The following ZYG11B variants were observed in gnomAD, a reference collection of about 807,000 sequenced individuals.
The protein encoded by ZYG11B is zyg-11 family member B, cell cycle regulator, also known as protein zyg-11 homolog B.
Under a neutral mutation model 82.4 loss-of-function variants are expected in ZYG11B, and 36 were observed. That is an observed-to-expected ratio of 0.44 (90% CI 0.33 to 0.58). The LOEUF (loss-of-function observed/expected upper bound fraction) is 0.58, where lower values mean the gene tolerates loss of function less well. ZYG11B is among the 20% of genes least tolerant of loss of function. The pLI is 0.02. For missense variants in ZYG11B, 552 were observed against 895.6 expected, an observed-to-expected ratio of 0.62 and a Z score of 4.90; for synonymous variants, 303 against 312.8, an observed-to-expected ratio of 0.97 and a Z score of 0.33.
intron 13 of ZYG11B, among the ~76,000 whole-genome samples, chr1:52,819,953 C>T (rs551829610): frequency 4.7e-5 from 7 of 149,476 alleles, no homozygotes; most frequent in Admixed American, 6.7e-5. Context: ...GTCTTGCTGT[C>T]GTCCAGGCTA....
chr1:52,792,619 A>AT (rs1206219517), intron 6 of ZYG11B, among the ~76,000 whole-genome samples: 2 of 152,124 alleles, frequency 1.3e-5, no homozygotes, highest in Non-Finnish European at 2.9e-5. Context: ...CAGGGCCTCC[A>AT]TTTTTTCATC....
chr1:52,763,374 T>G (rs574564748), intron 2 of ZYG11B, among the ~76,000 whole-genome samples: 30 of 152,342 alleles, frequency 2.0e-4, no homozygotes, highest in African/African-American at 6.7e-4. Flanking sequence ...CATCTGTAGA[T>G]TGCTTTAAGT....
chr1:52,747,652 A>G (rs1296628983), intron 1 of ZYG11B, among the ~76,000 whole-genome samples: 1 of 152,160 alleles, frequency 6.6e-6, no homozygotes, highest in African/African-American at 2.4e-5. Flanking sequence ...GGAAGGGTTA[A>G]CAAGTTCCTT....
intron 6 of ZYG11B, among the ~76,000 whole-genome samples, chr1:52,791,764 GAA>G (rs1212129411): frequency 2.0e-5 from 3 of 152,098 alleles, no homozygotes; most frequent in African/African-American, 7.2e-5. Context: ...TTTTTTATTT[GAA>G]ATAAACAATT....
intron 10 of ZYG11B, among the ~76,000 whole-genome samples, chr1:52,808,089 A>G (rs2149963025): frequency 6.6e-6 from 1 of 152,300 alleles, no homozygotes; most frequent in Admixed American, 6.5e-5. Flanking sequence ...TTGGCCGGAC[A>G]CGGTGGCTCA....
chr1:52,797,453 C>G (rs61771062), intron 8 of ZYG11B, among the ~76,000 whole-genome samples: 16 of 56,854 alleles, frequency 2.8e-4, no homozygotes, highest in Admixed American at 7.1e-4. Context: ...TATTATATAT[C>G]ATATATGATA....
At chr1:52,796,890 TAA>T in intron 8 of ZYG11B, 106 bp downstream of exon 8, 3 of 120,790 alleles carry the variant, frequency 2.5e-5, no homozygotes, top group Admixed American at 1.6e-4. Flanking sequence ...TAATTATATA[TAA>T]TATATAATTA....
intron 13 of ZYG11B, among the ~76,000 whole-genome samples, chr1:52,817,316 G>A (rs2149967150): frequency 6.6e-6 from 1 of 152,254 alleles, no homozygotes; most frequent in African/African-American, 2.4e-5. Flanking sequence ...AGATGTCGCT[G>A]CCAGCACCCA....
chr1:52,782,065 A>G (rs1644861703), intron 4 of ZYG11B, among the ~76,000 whole-genome samples: 1 of 151,692 alleles, frequency 6.6e-6, no homozygotes. Context: ...TTATTTATTT[A>G]TTTATTTGTT....
Position 52,826,851 on chromosome 1 carries a change from C to G in ZYG11B, c.*5222C>G, listed in dbSNP as rs985970514. ...AATTTTGGACTTATTTTGGGAAAAACTGTTCAAATTGGGTCCTTTTAAGCT... is the reference window on the plus strand; with the variant it reads ...AATTTTGGACTTATTTTGGGAAAAAGTGTTCAAATTGGGTCCTTTTAAGCT... On this transcript the variant is annotated 3_prime_UTR_variant, in exon 14 of 14. Coordinates refer to ENST00000294353, the MANE Select transcript of ZYG11B (RefSeq NM_024646.3). The G allele has an allele frequency of 6.6e-6, 1 of 152,208 alleles. No homozygotes were observed. Among genetic ancestry groups the G allele is most frequent in the South Asian group, 2.1e-4 (1 of 4,830 alleles). The allele number at this position is 152,208 out of a possible 1,614,324, so 9.4% of individuals were successfully genotyped here. A position where few individuals can be genotyped will look rare whatever the true frequency, so the allele number is the denominator to read the frequency against.
intron 10 of ZYG11B, among the ~76,000 whole-genome samples, chr1:52,803,035 A>T (rs2149959399): frequency 1.5e-5 from 2 of 137,534 alleles, no homozygotes; most frequent in East Asian, 4.2e-4. Flanking sequence ...AAACCCTACA[A>T]CTTTATTTTT....
intron 2 of ZYG11B, among the ~76,000 whole-genome samples, chr1:52,760,108 C>T (rs564206638): frequency 1.1e-4 from 16 of 152,142 alleles, no homozygotes; most frequent in Non-Finnish European, 1.8e-4. Flanking sequence ...GCTGGGATTA[C>T]AGGCGTGAGC....
At chr1:52,731,086 A>G (rs1388097792) in intron 1 of ZYG11B, among the ~76,000 whole-genome samples, 1 of 151,966 alleles carries the variant, frequency 6.6e-6, no homozygotes, top group East Asian at 1.9e-4. Context: ...CAGCCTGACC[A>G]ATATGGAGAA....
intron 1 of ZYG11B, among the ~76,000 whole-genome samples, chr1:52,753,044 C>T (rs1343068501): frequency 6.6e-6 from 1 of 152,088 alleles, no homozygotes; most frequent in African/African-American, 2.4e-5. Context: ...GACGGGGTTT[C>T]ACCAAGTTGG....
rs575995205 is a variant in ZYG11B, at chr1:52,728,439, G to A, written c.30+1756G>A. Among the ~76,000 whole-genome samples the A allele has an allele frequency of 3.4e-3, 524 of 152,252 alleles. 1 individual carries two copies. The highest frequency in any genetic ancestry group is 0.01 in the Middle Eastern group (3 of 294). On this transcript the variant is annotated intron_variant, in intron 1 of 13. Coordinates refer to ENST00000294353, the MANE Select transcript of ZYG11B (RefSeq NM_024646.3). Reference sequence around the variant, plus strand: ...GCCCCGCTAATTTGTAAAACTTTTTGTAGAAATGGAGTCTTGCTGTGTTGC... The same window carrying A: ...GCCCCGCTAATTTGTAAAACTTTTTATAGAAATGGAGTCTTGCTGTGTTGC...
At chr1:52,816,466 T>A (rs776981061) in intron 12 of ZYG11B, 66 bp from the exon 13 acceptor site, 26 of 1,106,154 alleles carry the variant, frequency 2.4e-5, no homozygotes, top group Non-Finnish European at 3.2e-5. Context: ...AGTTTAGGAA[T>A]CACTGCTTTA....
At chr1:52,748,982 C>G (rs903815254) in intron 1 of ZYG11B, among the ~76,000 whole-genome samples, 2 of 151,804 alleles carry the variant, frequency 1.3e-5, no homozygotes, top group Non-Finnish European at 2.9e-5. Context: ...AGGCAGATTG[C>G]CTGAGGTCAG....
At chr1:52,747,219 G>A (rs750840727) in intron 1 of ZYG11B, among the ~76,000 whole-genome samples, 1 of 151,862 alleles carries the variant, frequency 6.6e-6, no homozygotes, top group African/African-American at 2.4e-5. Flanking sequence ...TAGGTTCTAG[G>A]TATTAAGAAA....
At chr1:52,809,601 A>C (rs6666755) in intron 10 of ZYG11B, among the ~76,000 whole-genome samples, 5,718 of 152,258 alleles carry the variant, frequency 0.038, 334 homozygotes, top group African/African-American at 0.13. Flanking sequence ...CATACTGTTT[A>C]CCACAACAGC....
Sources: gnomAD v4.1 joint callset for allele counts (sites outside exome capture counted in the v4.1 genomes callset) on GRCh38, gnomAD v4.1.1 for gene constraint, MANE v1.5 for transcripts, NCBI Gene and HGNC (gene_info 2026-07-23, HGNC 2026-07-21) for gene names.